Variants in USP14 observed in about 807,000 individuals in gnomAD.
The protein encoded by USP14 is ubiquitin specific peptidase 14, also known as ubiquitin carboxyl-terminal hydrolase 14.
Under a neutral mutation model 76.5 loss-of-function variants are expected in USP14, and 38 were observed. The observed-to-expected ratio is 0.50, with a 90% CI of 0.38 to 0.65. USP14 has a LOEUF of 0.65. USP14 is among the 30% of genes least tolerant of loss of function. The pLI is 0.00. For synonymous variants in USP14, 192 were observed against 191.7 expected, an observed-to-expected ratio of 1.00 and a Z score of -0.01; for missense variants, 467 against 586.5, an observed-to-expected ratio of 0.80 and a Z score of 2.10.
rs1450821817 is a variant in USP14 at position 204,552 on chromosome 18, G to A, written c.1036-12G>A. On this transcript the variant is annotated splice_polypyrimidine_tract_variant and intron_variant, in intron 12 of 15. Transcript: ENST00000261601. ...ATGTGTTTACACATGTTTTTTGTTTGTTTGTATATAGGATGTTAAATTTCC... is the reference window on the plus strand; with the variant it reads ...ATGTGTTTACACATGTTTTTTGTTTATTTGTATATAGGATGTTAAATTTCC... The A allele has an allele frequency of 1.3e-6, 2 of 1,553,482 alleles. No homozygotes were observed. Among genetic ancestry groups the A allele is most frequent in the African/African-American group, 2.8e-5 (2 of 71,830 alleles).
At chr18:198,520 A>G (rs1027408990) in intron 9 of USP14, among the ~76,000 whole-genome samples, 1 of 152,182 alleles carries the variant, frequency 6.6e-6, no homozygotes, top group Non-Finnish European at 1.5e-5. Context: ...CGCCCAGCCC[A>G]GAGGTTTTTA....
chr18:163,583 A>G lies in USP14; in HGVS notation c.162+130A>G, dbSNP rs1165197297. The G allele has an allele frequency of 9.4e-6, 10 of 1,067,238 alleles. No homozygotes were observed. In the East Asian group the frequency reaches 2.1e-4, roughly 23 times the overall value. 66.1% of individuals were successfully genotyped at this position (1,067,238 alleles called of 1,614,324 possible). On this transcript the variant is annotated intron_variant, in intron 2 of 15. Transcript: ENST00000261601. ...TTTATATGATGAGAGTATGTCAGCTATGGTGTTAAAACTGTCTTATGCCTG... is the reference window on the plus strand; with the variant it reads ...TTTATATGATGAGAGTATGTCAGCTGTGGTGTTAAAACTGTCTTATGCCTG...
intron 9 of USP14, 99 bp downstream of exon 9, chr18:198,231 A>C (rs1013793689): frequency 8.8e-5 from 96 of 1,092,484 alleles, no homozygotes; most frequent in Middle Eastern, 4.3e-4. Flanking sequence ...TAGAAGAAAA[A>C]TTCTTCAGAG....
In USP14 at chr18:211,918, T is replaced by C. The variant is rs564655854; in HGVS notation, c.*634T>C. 1.4e-4 allele frequency: 21 copies of C among 152,464 alleles called. No individual in the cohort carries two copies. Among genetic ancestry groups the C allele is most frequent in the African/African-American group, 5.0e-4 (21 of 41,586 alleles). The allele number at this position is 152,464 out of a possible 1,614,324, so 9.4% of individuals were successfully genotyped here. On this transcript the variant is annotated 3_prime_UTR_variant, in exon 16 of 16. Coordinates refer to ENST00000261601, the MANE Select transcript of USP14 (RefSeq NM_005151.4). ...TTTATTATTGTGTCTCTCTCTGATG[T>C]ACTGTGGATTGTACATTTAACTTTG...
intron 15 of USP14, 120 bp downstream of exon 15, chr18:210,613 C>A: frequency 1.7e-6 from 1 of 573,672 alleles, no homozygotes; most frequent in African/African-American, 1.9e-5. Context: ...TCTTGAAGCC[C>A]CAAAGAGCTT....
chr18:204,536 C>T, intron 12 of USP14, 28 bp from the exon 13 acceptor site: 6 of 1,511,606 alleles, frequency 4.0e-6, no homozygotes, highest in Non-Finnish European at 5.4e-6. Context: ...AATGTGTTTA[C>T]ACATGTTTTT....
At chr18:198,749 G>A (rs35524629) in intron 9 of USP14, among the ~76,000 whole-genome samples, 1,624 of 151,848 alleles carry the variant, frequency 0.011, 15 homozygotes, top group Admixed American at 0.019. Flanking sequence ...TATATGTCAA[G>A]GTGACTGTTA....
chr18:158,589 C>A lies in USP14; in HGVS notation c.-110C>A. ...ACTCGTCGCACCGAAGCCGCCGCCA[C>A]CACCGCGCCTCCGCCTCGGCCGCCG... On this transcript the variant is annotated 5_prime_UTR_variant, in exon 1 of 16. Transcript: ENST00000261601. 1 of 1,202,882 alleles carries A rather than the reference C, an allele frequency of 8.3e-7. No homozygotes were observed. The highest frequency in any genetic ancestry group is 1.1e-6 in the Non-Finnish European group (1 of 874,928). The allele number at this position is 1,202,882 out of a possible 1,614,324, so 74.5% of individuals were successfully genotyped here.
In USP14 at chr18:214,130, A is replaced by C. The variant is rs1910773566; in HGVS notation, c.*2846A>C. On this transcript the variant is annotated 3_prime_UTR_variant, in exon 16 of 16. Coordinates refer to ENST00000261601, the MANE Select transcript of USP14 (RefSeq NM_005151.4). ...ACAGTTAGTTAGTTAGTTATGAGTG[A>C]GCACAGCTGGGTGCCAGTACAATTT... 6.4e-6 allele frequency: 1 copy of C among 155,040 alleles called. No homozygotes were observed. The highest frequency in any genetic ancestry group is 2.0e-4 in the South Asian group (1 of 5,020). The allele number at this position is 155,040 out of a possible 1,614,324, so 9.6% of individuals were successfully genotyped here. A position where few individuals can be genotyped will look rare whatever the true frequency, so the allele number is the denominator to read the frequency against.
intron 10 of USP14, among the ~76,000 whole-genome samples, chr18:199,972 A>G (rs1312373945): frequency 6.6e-6 from 1 of 152,174 alleles, no homozygotes; most frequent in African/African-American, 2.4e-5. Flanking sequence ...ACAAACTTCA[A>G]CTAGCTCTTC....
At chr18:200,019 A>G (rs1910343584) in intron 10 of USP14, among the ~76,000 whole-genome samples, 3 of 152,214 alleles carry the variant, frequency 2.0e-5, no homozygotes, top group African/African-American at 7.2e-5. Flanking sequence ...ATGGTTGCAT[A>G]TGCTAACAAA....
At chr18:199,770 A>AC (rs199593256) in intron 10 of USP14, among the ~76,000 whole-genome samples, 7,071 of 152,228 alleles carry the variant, frequency 0.046, 286 homozygotes, top group African/African-American at 0.11. Context: ...GTGTCCTTAA[A>AC]CAGAAACACA....
rs1472748249 is a variant in USP14, at chr18:213,932, A to AGTT, written c.*2650_*2652dup. 6.6e-6 allele frequency: 1 copy of AGTT among 151,356 alleles called. No individual in the cohort carries two copies. The highest frequency in any genetic ancestry group is 6.6e-5 in the Admixed American group (1 of 15,140). 9.4% of individuals were successfully genotyped at this position (151,356 alleles called of 1,614,324 possible). On this transcript the variant is annotated 3_prime_UTR_variant, in exon 16 of 16. Transcript: ENST00000261601. ...AGGTTTTAGACTTCATTTCTTTTAA[A>AGTT]GTTGGCAAACAAACATTTTCTGTAA... is the stretch of plus-strand genomic sequence containing the variant.
intron 3 of USP14, among the ~76,000 whole-genome samples, chr18:169,820 T>C (rs1909391720): frequency 6.6e-6 from 1 of 152,196 alleles, no homozygotes; most frequent in South Asian, 2.1e-4. Flanking sequence ...ATTACTCTCA[T>C]GTCAAGTATG....
intron 3 of USP14, 153 bp from the exon 4 acceptor site, chr18:178,780 C>G: frequency 3.8e-6 from 2 of 532,762 alleles, no homozygotes; most frequent in Non-Finnish European, 6.8e-6. Context: ...CATCTCCAGT[C>G]CTAGGCAGCA....
At position 210,430 on chromosome 18, in the gene USP14, C is replaced by A; in HGVS notation, c.1270C>A (p.Leu424Ile). Reference sequence around the variant, plus strand: ...TGGATACTATGACTTACAAGCAGTACTAACACACCAGGGAAGGTCTAGTTC... The same window carrying A: ...TGGATACTATGACTTACAAGCAGTAATAACACACCAGGGAAGGTCTAGTTC... ...NCGYYDLQAV[L>I]THQGRSSSSG... The change falls in exon 15 of 16, where the codon CTA (leucine) becomes ATA (isoleucine). Residue 424 changes from leucine to isoleucine, a missense_variant. Leu to Ile is a conservative substitution (Grantham distance 5). Transcript: ENST00000261601. 1 of 1,612,296 alleles carries A rather than the reference C, an allele frequency of 6.2e-7. No homozygotes were observed. The highest frequency in any genetic ancestry group is 8.5e-7 in the Non-Finnish European group (1 of 1,179,130).
rs149412129 is a variant in USP14 at position 198,515 on chromosome 18, A to C, written c.761+383A>C. On this transcript the variant is annotated intron_variant, in intron 9 of 15. Coordinates refer to ENST00000261601, the MANE Select transcript of USP14 (RefSeq NM_005151.4). Reference sequence around the variant, plus strand: ...CCTCCAGGTGTGAGCCACCGCGCCCAGCCCAGAGGTTTTTATACCTAAAAA... The same window carrying C: ...CCTCCAGGTGTGAGCCACCGCGCCCCGCCCAGAGGTTTTTATACCTAAAAA... Among the ~76,000 whole-genome samples the C allele has an allele frequency of 2.8e-3, 422 of 152,308 alleles. 2 individuals carry two copies. Among genetic ancestry groups the C allele is most frequent in the African/African-American group, 9.7e-3 (405 of 41,570 alleles).
intron 1 of USP14, among the ~76,000 whole-genome samples, chr18:161,120 G>A (rs543933102): frequency 1.3e-5 from 2 of 152,082 alleles, no homozygotes; most frequent in African/African-American, 4.8e-5. Flanking sequence ...TAGAAACGAG[G>A]TTTCACCGTA....
intron 3 of USP14, among the ~76,000 whole-genome samples, chr18:172,568 C>T (rs553493252): frequency 2.0e-5 from 3 of 152,236 alleles, no homozygotes; most frequent in African/African-American, 4.8e-5. Flanking sequence ...AGTCAGTCAG[C>T]GTGGCAGGTT....
Sources: allele counts gnomAD v4.1 joint callset (sites outside exome capture counted in the v4.1 genomes callset), GRCh38; gene constraint gnomAD v4.1.1; transcripts MANE v1.5; gene names NCBI Gene and HGNC (gene_info 2026-07-23, HGNC 2026-07-21).